Variants in TRUB1 observed in about 807,000 individuals in gnomAD.
The protein encoded by TRUB1 is TruB pseudouridine synthase family member 1, also known as pseudouridylate synthase TRUB1.
TRUB1 carries 23 observed loss-of-function variants against 33.9 expected under a neutral mutation model. That is an observed-to-expected ratio of 0.68 (90% CI 0.49 to 0.96). The LOEUF (loss-of-function observed/expected upper bound fraction) is 0.96. TRUB1 is among the 40% of genes least tolerant of loss of function. The pLI, the probability that TRUB1 is intolerant of heterozygous loss-of-function variation, is 0.00. For synonymous variants in TRUB1, 163 were observed against 165.4 expected (o/e 0.99, Z 0.11); for missense variants, 378 against 422.2 (o/e 0.90, Z 0.92).
chr10:114,956,495 G>A (rs962061441), intron 3 of TRUB1, among the ~76,000 whole-genome samples: 2 of 152,126 alleles, frequency 1.3e-5, no homozygotes, highest in South Asian at 2.1e-4. Context: ...CTGTGTGGGT[G>A]AATTTTTCTA....
Position 114,975,432 on chromosome 10 carries a change from A to C in TRUB1, c.*53A>C. 6.8e-7 allele frequency: 1 copy of C among 1,460,068 alleles called. No individual in the cohort carries two copies. Among genetic ancestry groups the C allele is most frequent in the Non-Finnish European group, 9.1e-7 (1 of 1,102,420 alleles). The allele number at this position is 1,460,068 out of a possible 1,614,324, so 90.4% of individuals were successfully genotyped here. Reference sequence around the variant, plus strand: ...TAGTTGACATTTGAATCCTGTGTGCAGATGCAGAATGACAAGCTGCATTCA... The same window carrying C: ...TAGTTGACATTTGAATCCTGTGTGCCGATGCAGAATGACAAGCTGCATTCA... On this transcript the variant is annotated 3_prime_UTR_variant, in exon 8 of 8. Coordinates refer to ENST00000298746, the MANE Select transcript of TRUB1 (RefSeq NM_139169.5).
intron 3 of TRUB1, among the ~76,000 whole-genome samples, chr10:114,953,778 C>T (rs2084247731): frequency 6.6e-6 from 1 of 152,108 alleles, no homozygotes; most frequent in Non-Finnish European, 1.5e-5. Context: ...CCTCTGGAAG[C>T]TTACACTTGT....
Position 114,975,124 on chromosome 10 carries a change from A to G in TRUB1, c.795A>G (p.Glu265=). The G allele has an allele frequency of 6.2e-7, 1 of 1,606,042 alleles. No individual in the cohort carries two copies. Among genetic ancestry groups the G allele is most frequent in the East Asian group, 2.2e-5 (1 of 44,768 alleles). Residue 265 remains glutamate, a splice_region_variant and synonymous_variant, in exon 8 of 8, where the codon GAA becomes GAG. Coordinates refer to ENST00000298746, the MANE Select transcript of TRUB1 (RefSeq NM_139169.5). ...TTTTTCTACCTTTTGTTGCCATAGA[A>G]CTATCTTCCTGTGCCAATGTGCTAG... ...IRSLVSDIGK[E]LSSCANVLEL...
chr10:114,949,158 C>T (rs1220866774), intron 2 of TRUB1, among the ~76,000 whole-genome samples: 1 of 152,146 alleles, frequency 6.6e-6, no homozygotes, highest in Non-Finnish European at 1.5e-5. Flanking sequence ...ATTTTATTTT[C>T]CTGATGAGAT....
At chr10:114,956,314 G>A (rs190026029) in intron 3 of TRUB1, among the ~76,000 whole-genome samples, 8 of 152,250 alleles carry the variant, frequency 5.3e-5, no homozygotes, top group Admixed American at 4.6e-4. Context: ...ACGTCTTGGA[G>A]AATTAACAAC....
At chr10:114,939,821 C>CTTTTTTTTTTT (rs199856592) in intron 1 of TRUB1, among the ~76,000 whole-genome samples, 1 of 103,490 alleles carries the variant, frequency 9.7e-6, no homozygotes, top group African/African-American at 4.4e-5. Context: ...CTCTGGGTTT[C>CTTTTTTTTTTT]TTTTCTTTTT....
rs2084193960 is a variant in TRUB1 at position 114,942,714 on chromosome 10, C to G, written c.356C>G (p.Thr119Ser). ...KQTLKIGHGGTLDSAARGVLV... is the reference protein window; with the variant it reads ...KQTLKIGHGGSLDSAARGVLV... ...ACTTTGAAAATTGGGCATGGAGGGA[C>G]TCTAGACAGCGCAGCCCGAGGAGTT... The change falls in exon 2 of 8, where the codon ACT (threonine) becomes AGT (serine). Residue 119 changes from threonine (T) to serine (S), a missense_variant. Thr to Ser is a moderately conservative substitution (Grantham distance 58). Transcript: ENST00000298746. 8 of 1,613,850 alleles carry G rather than the reference C, an allele frequency of 5.0e-6. No homozygotes were observed. The highest frequency in any genetic ancestry group is 6.8e-6 in the Non-Finnish European group (8 of 1,179,798).
intron 5 of TRUB1, 101 bp from the exon 6 acceptor site, chr10:114,972,034 C>A: frequency 7.3e-7 from 1 of 1,374,980 alleles, no homozygotes; most frequent in Non-Finnish European, 1.0e-6. Context: ...GTCATCCTTC[C>A]TTTCCATGCT....
At chr10:114,971,664 C>T (rs755917204) in intron 5 of TRUB1, among the ~76,000 whole-genome samples, 9 of 152,008 alleles carry the variant, frequency 5.9e-5, no homozygotes, top group South Asian at 4.2e-4. Context: ...AGCTAAGATA[C>T]GCTAAGTAGG....
In TRUB1 at chr10:114,977,246, A is replaced by G. The variant is rs575559413; in HGVS notation, c.*1867A>G. On this transcript the variant is annotated 3_prime_UTR_variant, in exon 8 of 8. Coordinates refer to ENST00000298746, the MANE Select transcript of TRUB1 (RefSeq NM_139169.5). The stretch of plus-strand genomic sequence containing the variant: ...TTAGAATTTAAATTTTTATATTACT[A>G]TTTTCCTTTTTGTTGTTCACATAGT... 14 of 151,960 alleles carry G rather than the reference A, an allele frequency of 9.2e-5. No individual in the cohort carries two copies. The East Asian group carries it at 2.5e-3, about 27-fold the overall frequency. 9.4% of individuals were successfully genotyped at this position (151,960 alleles called of 1,614,324 possible).
Position 114,975,475 on chromosome 10 carries a change from CTT to C in TRUB1, c.*107_*108del, listed in dbSNP as rs35714321. On this transcript the variant is annotated 3_prime_UTR_variant, in exon 8 of 8. Transcript: ENST00000298746. ...TGCATTCAAAAGACAAACAATATGT[CTT>C]TTTTTTTTTTGCATGAAGAAAAATG... The C allele has an allele frequency of 0.014, 13,501 of 971,656 alleles. No homozygotes were observed. The highest frequency in any genetic ancestry group is 0.024 in the South Asian group (967 of 40,474). 60.2% of individuals were successfully genotyped at this position (971,656 alleles called of 1,614,324 possible). A position where few individuals can be genotyped will look rare whatever the true frequency, so the allele number is the denominator to read the frequency against.
At chr10:114,954,869 C>T (rs962173679) in intron 3 of TRUB1, among the ~76,000 whole-genome samples, 4 of 151,974 alleles carry the variant, frequency 2.6e-5, no homozygotes, top group African/African-American at 9.7e-5. Context: ...TAATTTTACT[C>T]AGGCAAGTTC....
rs1310772586 is a variant in TRUB1, at chr10:114,975,112, T to G, written c.794-11T>G. 24 of 1,593,162 alleles carry G rather than the reference T, an allele frequency of 1.5e-5. No homozygotes were observed. Among genetic ancestry groups the G allele is most frequent in the Non-Finnish European group, 2.0e-5 (24 of 1,170,910 alleles). ...TCTTCTGGATTTTTTTTCTACCTTT[T>G]GTTGCCATAGAACTATCTTCCTGTG... On this transcript the variant is annotated splice_polypyrimidine_tract_variant and intron_variant, in intron 7 of 7. Coordinates refer to ENST00000298746, the MANE Select transcript of TRUB1 (RefSeq NM_139169.5).
At chr10:114,966,097 G>C (rs1366427644) in intron 4 of TRUB1, among the ~76,000 whole-genome samples, 1 of 151,822 alleles carries the variant, frequency 6.6e-6, no homozygotes, top group Non-Finnish European at 1.5e-5. Flanking sequence ...TAAAATCATA[G>C]CTATAATGAA....
chr10:114,963,411 G>C lies in TRUB1; in HGVS notation c.523+3604G>C, dbSNP rs543322678. 6.9e-4 allele frequency among the ~76,000 whole-genome samples: 105 copies of C among 152,240 alleles called. 2 individuals are homozygous for C. In the South Asian group the frequency reaches 0.021, roughly 31 times the overall value. On this transcript the variant is annotated intron_variant, in intron 4 of 7. Transcript: ENST00000298746. ...GCTATAATTGGACTAGTGTGTAGCT[G>C]GGTATAAAAATTCTTACAAAGCTGT...
At chr10:114,968,251 A>G (rs539550008) in intron 4 of TRUB1, among the ~76,000 whole-genome samples, 42 of 152,342 alleles carry the variant, frequency 2.8e-4, no homozygotes, top group Non-Finnish European at 5.4e-4. Flanking sequence ...GAGAAAGAAC[A>G]CATCTTGTCA....
At position 114,974,371 on chromosome 10, in the gene TRUB1, G is replaced by A. The variant is rs753567737; in HGVS notation, c.779G>A (p.Ser260Asn). 2 of 1,612,386 alleles carry A rather than the reference G, an allele frequency of 1.2e-6. No individual in the cohort carries two copies. Among genetic ancestry groups the A allele is most frequent in the African/African-American group, 1.3e-5 (1 of 74,826 alleles). ...GGTTTTTATATCAGAAGCTTGGTCAGTGACATTGGAAAAGGTAAGCATAAA... is the reference window on the plus strand; with the variant it reads ...GGTTTTTATATCAGAAGCTTGGTCAATGACATTGGAAAAGGTAAGCATAAA... ...GGGFYIRSLV[S>N]DIGKELSSCA... is the part of the protein sequence containing the mutation. The change falls in exon 7 of 8, where the codon AGT (serine) becomes AAT (asparagine). Residue 260 changes from serine (S) to asparagine (N), a missense_variant. By Grantham distance (46) the Ser-to-Asn change is conservative. Coordinates refer to ENST00000298746, the MANE Select transcript of TRUB1 (RefSeq NM_139169.5).
intron 4 of TRUB1, among the ~76,000 whole-genome samples, chr10:114,968,338 A>T (rs2084319831): frequency 6.6e-6 from 1 of 152,206 alleles, no homozygotes; most frequent in African/African-American, 2.4e-5. Context: ...GAGCGTCAGT[A>T]GAGAGACCAG....
At chr10:114,967,512 A>T (rs1323022282) in intron 4 of TRUB1, among the ~76,000 whole-genome samples, 1 of 152,146 alleles carries the variant, frequency 6.6e-6, no homozygotes. Context: ...TTTTAAGCAA[A>T]TAATGATGTA....
Sources: allele counts gnomAD v4.1 joint callset (sites outside exome capture counted in the v4.1 genomes callset), GRCh38; gene constraint gnomAD v4.1.1; transcripts MANE v1.5; gene names NCBI Gene and HGNC (gene_info 2026-07-23, HGNC 2026-07-21).